Variants in CCDC33 observed in about 807,000 individuals in gnomAD.
The protein encoded by CCDC33 is coiled-coil domain-containing protein 33.
Under a neutral mutation model 91.9 loss-of-function variants are expected in CCDC33, and 94 were observed. The observed-to-expected ratio is 1.02, with a 90% CI of 0.87 to 1.21. The LOEUF is 1.21. CCDC33 is among the 50% of genes most tolerant of loss of function. The pLI, the probability that CCDC33 is intolerant of heterozygous loss-of-function variation, is 0.00. For missense variants in CCDC33, 940 were observed against 935.5 expected, an observed-to-expected ratio of 1.00 and a Z score of -0.06; for synonymous variants, 396 against 374.5, an observed-to-expected ratio of 1.06 and a Z score of -0.66.
chr15:74,287,897 G>A (rs186476168), intron 10 of CCDC33, among the ~76,000 whole-genome samples: 12 of 152,260 alleles, frequency 7.9e-5, no homozygotes, highest in East Asian at 7.7e-4. Context: ...ACTCTGTGTC[G>A]GAGCAGGGCT....
At chr15:74,261,891 C>A (rs2076033984) in intron 2 of CCDC33, among the ~76,000 whole-genome samples, 1 of 152,352 alleles carries the variant, frequency 6.6e-6, no homozygotes, top group South Asian at 2.1e-4. Flanking sequence ...CTGCACACAG[C>A]AGGCATCTCA....
At chr15:74,217,533 C>G (rs1434140709) in exon 1 of CCDC33, 12 of 1,280,116 alleles carry the variant, frequency 9.4e-6, no homozygotes, top group Non-Finnish European at 1.2e-5. Flanking sequence ...GGAGCCTGGC[C>G]AGAGCCTCAC....
At chr15:74,264,654 G>C (rs946188746) in intron 3 of CCDC33, among the ~76,000 whole-genome samples, 3 of 152,220 alleles carry the variant, frequency 2.0e-5, no homozygotes, top group Non-Finnish European at 4.4e-5. Context: ...GAATCTCCCA[G>C]TTGAATTTCC....
At chr15:74,263,642 C>T (rs750561506) in intron 3 of CCDC33, among the ~76,000 whole-genome samples, 29 of 152,314 alleles carry the variant, frequency 1.9e-4, no homozygotes, top group Non-Finnish European at 3.7e-4. Flanking sequence ...GAAAAATTGA[C>T]CTAGGATTTC....
intron 2 of CCDC33, among the ~76,000 whole-genome samples, chr15:74,252,211 C>T (rs2075731409): frequency 6.6e-6 from 1 of 152,178 alleles, no homozygotes; most frequent in Admixed American, 6.5e-5. Context: ...ACCCAGACTT[C>T]CAGAGAAGAT....
chr15:74,313,149 G>T (rs1318500870), intron 11 of CCDC33, among the ~76,000 whole-genome samples: 2 of 152,198 alleles, frequency 1.3e-5, no homozygotes, highest in Non-Finnish European at 2.9e-5. Flanking sequence ...AGCAGCATTG[G>T]TTAAGGGTGG....
At chr15:74,282,396 T>C (rs2142506214) in intron 10 of CCDC33, among the ~76,000 whole-genome samples, 1 of 152,236 alleles carries the variant, frequency 6.6e-6, no homozygotes, top group East Asian at 1.9e-4. Context: ...AGCTCTCAGC[T>C]CCTGAAGGAC....
At chr15:74,302,628 G>C (rs569725017) in intron 11 of CCDC33, 1 of 152,440 alleles carries the variant, frequency 6.6e-6, no homozygotes, top group South Asian at 2.1e-4. Context: ...ATCCCTGTCT[G>C]TCCAGGACTG....
rs761579761 is a variant in CCDC33 at position 74,218,698 on chromosome 15, G to C, written c.512G>C (p.Arg171Pro). 1 of 1,289,702 alleles carries C rather than the reference G, an allele frequency of 7.8e-7. No individual in the cohort carries two copies. Among genetic ancestry groups the C allele is most frequent in the Non-Finnish European group, 1.0e-6 (1 of 988,884 alleles). The allele number at this position is 1,289,702 out of a possible 1,614,324, so 79.9% of individuals were successfully genotyped here. A position where few individuals can be genotyped will look rare whatever the true frequency, so the allele number is the denominator to read the frequency against. The change falls in exon 2 of 3, where the codon CGG (arginine) becomes CCG (proline). Residue 171 changes from arginine to proline, a missense_variant. Transcript: ENST00000635913. The surrounding 1 kb of genome is among the most constrained non-coding windows in gnomAD (Gnocchi z 4.8). ...TACTGTGGCAACCTGGCTCTGCTCC[G>C]GGCTAGCACGGACCCCACAGCCCGA...
intron 2 of CCDC33, among the ~76,000 whole-genome samples, chr15:74,248,622 C>T (rs1361672237): frequency 6.6e-6 from 1 of 152,204 alleles, no homozygotes; most frequent in Admixed American, 6.5e-5. Flanking sequence ...CATTCATCCC[C>T]TTAGTGGGGA....
rs1315717620 is a variant in CCDC33 at position 74,316,844 on chromosome 15, G to A, written c.1291-13345G>A. ...GCAGCCTCATTTAATCCCCAACAGC[G>A]TTATGAGATGGGCACAGTGATGCAC... On this transcript the variant is annotated intron_variant, in intron 11 of 18. Transcript: ENST00000398814. The surrounding 1 kb of genome is among the most constrained non-coding windows in gnomAD (Gnocchi z 4.7). Among the ~76,000 whole-genome samples, 1 of 152,156 alleles carries A rather than the reference G, an allele frequency of 6.6e-6. No individual in the cohort carries two copies.
chr15:74,335,273 C>A lies in CCDC33; in HGVS notation c.2139+185C>A, dbSNP rs1326384812. 4.3e-6 allele frequency: 3 copies of A among 692,356 alleles called. No individual in the cohort carries two copies. The African/African-American group carries it at 5.3e-5, about 12-fold the overall frequency. The allele number at this position is 692,356 out of a possible 1,614,324, so 42.9% of individuals were successfully genotyped here. On this transcript the variant is annotated intron_variant, in intron 18 of 18. Coordinates refer to ENST00000398814, the MANE Select transcript of CCDC33 (RefSeq NM_025055.5). ...CGAAGGCTCGGTCTTAATTCCCCCA[C>A]CTGTCTAAGGGGAACAGAAAACCCC...
At position 74,262,528 on chromosome 15, in the gene CCDC33, G is replaced by T. The variant is rs1247002491; in HGVS notation, c.274G>T (p.Asp92Tyr). ...GCCCACCAGAGCCCCTATCTGGGGGGACACGGTGAATGTGGAGATCCAAGC... is the reference window on the plus strand; with the variant it reads ...GCCCACCAGAGCCCCTATCTGGGGGTACACGGTGAATGTGGAGATCCAAGC... ...SEPTRAPIWGDTVNVEIQAED... is the reference protein window; with the variant it reads ...SEPTRAPIWGYTVNVEIQAED... The change falls in exon 3 of 19, where the codon GAC (aspartate) becomes TAC (tyrosine). Residue 92 changes from aspartate to tyrosine, a missense_variant. Transcript: ENST00000398814. 10 of 1,613,912 alleles carry T rather than the reference G, an allele frequency of 6.2e-6. No individual in the cohort carries two copies. The highest frequency in any genetic ancestry group is 2.2e-5 in the East Asian group (1 of 44,874).
intron 10 of CCDC33, among the ~76,000 whole-genome samples, chr15:74,283,265 G>C (rs1025286774): frequency 6.6e-6 from 1 of 152,206 alleles, no homozygotes; most frequent in Non-Finnish European, 1.5e-5. Context: ...ACCCTCCGGG[G>C]CCTCTTCCCA....
intron 16 of CCDC33, among the ~76,000 whole-genome samples, chr15:74,333,597 G>A (rs917500420): frequency 6.6e-5 from 10 of 152,172 alleles, no homozygotes; most frequent in East Asian, 1.9e-4. Flanking sequence ...CTCCCAGTGC[G>A]TTAATTATAG....
At chr15:74,271,820 G>T (rs2076325654) in intron 6 of CCDC33, 26 bp downstream of exon 6, 1 of 1,596,776 alleles carries the variant, frequency 6.3e-7, no homozygotes, top group African/African-American at 1.3e-5. Context: ...GTGGACCTGG[G>T]TGAGGAGGGC....
intron 1 of CCDC33, among the ~76,000 whole-genome samples, chr15:74,239,915 G>T (rs890778125): frequency 6.6e-6 from 1 of 152,204 alleles, no homozygotes; most frequent in South Asian, 2.1e-4. Context: ...ATCCTCTAGT[G>T]CAGGCCAGGG....
chr15:74,259,971 G>A (rs2075976096), intron 2 of CCDC33, among the ~76,000 whole-genome samples: 1 of 152,254 alleles, frequency 6.6e-6, no homozygotes, highest in East Asian at 1.9e-4. Flanking sequence ...ACACACCCTT[G>A]GCGCTTCTGC....
intron 2 of CCDC33, among the ~76,000 whole-genome samples, chr15:74,257,440 G>C (rs530499362): frequency 6.6e-6 from 1 of 152,328 alleles, no homozygotes; most frequent in South Asian, 2.1e-4. Flanking sequence ...CCTTTGAGGA[G>C]TCCCTGGGCA....
Sources: gnomAD v4.1 joint callset for allele counts (sites outside exome capture counted in the v4.1 genomes callset) on GRCh38, gnomAD v4.1.1 for gene constraint, Gnocchi (gnomAD v3.1) non-coding constraint, MANE v1.5 for transcripts, NCBI Gene and HGNC (gene_info 2026-07-23, HGNC 2026-07-21) for gene names.